C10orf90: variants seen among roughly 807,000 people sequenced by gnomAD.
C10orf90 encodes chromosome 10 open reading frame 90.
In C10orf90, 56 loss-of-function variants were observed where a neutral mutation model predicts 62.5. The observed-to-expected ratio is 0.90, with a 90% confidence interval of 0.72 to 1.12. C10orf90 has a LOEUF of 1.12. Among genes scored for constraint, C10orf90 ranks in the 50% most tolerant of loss-of-function variants. The pLI is 0.00. For missense variants in C10orf90, 970 were observed against 880.4 expected, an observed-to-expected ratio of 1.10 and a Z score of -1.29; for synonymous variants, 386 against 340.4, an observed-to-expected ratio of 1.13 and a Z score of -1.47.
At chr10:126,600,519 C>T (rs1398931157) in intron 2 of C10orf90, among the ~76,000 whole-genome samples, 1 of 152,148 alleles carries the variant, frequency 6.6e-6, no homozygotes, top group Non-Finnish European at 1.5e-5. Context: ...TGAGCAAAAG[C>T]CAACTGCCTG....
At chr10:126,550,891 A>G (rs1213135491) in intron 2 of C10orf90, among the ~76,000 whole-genome samples, 1 of 152,244 alleles carries the variant, frequency 6.6e-6, no homozygotes, top group East Asian at 1.9e-4. Flanking sequence ...AACAATTACA[A>G]TGCCACTGCC....
chr10:126,649,652 C>T (rs925133103), intron 1 of C10orf90, among the ~76,000 whole-genome samples: 2 of 152,188 alleles, frequency 1.3e-5, no homozygotes, highest in Non-Finnish European at 2.9e-5. Context: ...CTTTTTCCTT[C>T]AGAGCACTTG....
chr10:126,662,313 T>A (rs1208817758), intron 1 of C10orf90, among the ~76,000 whole-genome samples: 1 of 152,118 alleles, frequency 6.6e-6, no homozygotes, highest in East Asian at 1.9e-4. Flanking sequence ...AGGACCCGAA[T>A]GATTCATGGC....
chr10:126,452,121 A>G (rs1164257025), intron 7 of C10orf90, among the ~76,000 whole-genome samples: 2 of 152,202 alleles, frequency 1.3e-5, no homozygotes, highest in African/African-American at 2.4e-5. Context: ...TGGATATGTT[A>G]CCTGCATTTA....
intron 2 of C10orf90, among the ~76,000 whole-genome samples, chr10:126,627,136 A>G (rs1357975831): frequency 6.6e-6 from 1 of 151,054 alleles, no homozygotes; most frequent in Non-Finnish European, 1.5e-5. Context: ...GGTAGCTGGG[A>G]TTACAGGCAT....
chr10:126,530,702 G>T (rs903475034), intron 2 of C10orf90, among the ~76,000 whole-genome samples: 1 of 152,128 alleles, frequency 6.6e-6, no homozygotes, highest in African/African-American at 2.4e-5. Flanking sequence ...CAGGCAGCCT[G>T]CAGGCACATG....
chr10:126,639,623 C>G (rs1846020527), intron 2 of C10orf90, among the ~76,000 whole-genome samples: 1 of 152,204 alleles, frequency 6.6e-6, no homozygotes, highest in Non-Finnish European at 1.5e-5. Context: ...TTCCTCACAT[C>G]TGGATGAAGT....
intron 2 of C10orf90, among the ~76,000 whole-genome samples, chr10:126,544,796 G>C (rs567166354): frequency 3.3e-5 from 5 of 151,886 alleles, no homozygotes; most frequent in African/African-American, 1.2e-4. Context: ...ATGGTGTAAT[G>C]CCCCTGCCTT....
chr10:126,492,697 T>A (rs563596680), intron 4 of C10orf90, among the ~76,000 whole-genome samples: 1 of 152,192 alleles, frequency 6.6e-6, no homozygotes, highest in East Asian at 1.9e-4. Context: ...TCTGAAAAGA[T>A]GCAAATTAAT....
At chr10:126,449,322 G>C (rs1859011587) in intron 7 of C10orf90, among the ~76,000 whole-genome samples, 1 of 152,198 alleles carries the variant, frequency 6.6e-6, no homozygotes, top group Admixed American at 6.5e-5. Context: ...GAAAACATTT[G>C]ACAAAATTCA....
chr10:126,438,459 G>C (rs1052022136), intron 7 of C10orf90, among the ~76,000 whole-genome samples: 10 of 152,118 alleles, frequency 6.6e-5, no homozygotes, highest in African/African-American at 2.4e-4. Context: ...ACAAATTTAA[G>C]GTGGCTTTTT....
intron 2 of C10orf90, among the ~76,000 whole-genome samples, chr10:126,620,434 G>T (rs1550168): frequency 0.4 from 60,230 of 151,946 alleles, 13,419 homozygotes; most frequent in African/African-American, 0.61. Flanking sequence ...TTACTCTGGC[G>T]TTTTTGGCCT....
At chr10:126,524,714 C>T (rs1017125294) in intron 2 of C10orf90, 2 of 985,734 alleles carry the variant, frequency 2.0e-6, no homozygotes, top group Non-Finnish European at 1.2e-6. Flanking sequence ...TCCTCATCCG[C>T]GAGGCAAGGA....
intron 2 of C10orf90, among the ~76,000 whole-genome samples, chr10:126,526,345 C>T (rs920224712): frequency 4.0e-5 from 6 of 151,722 alleles, no homozygotes; most frequent in Admixed American, 6.6e-5. Flanking sequence ...CCCAGGCTCA[C>T]GCCATTCTCC....
At chr10:126,614,098 A>C (rs1001113200) in intron 2 of C10orf90, among the ~76,000 whole-genome samples, 2 of 152,210 alleles carry the variant, frequency 1.3e-5, no homozygotes, top group Non-Finnish European at 2.9e-5. Context: ...AAACAGCAAC[A>C]GGATATCAGG....
chr10:126,451,343 G>A (rs150071464), intron 7 of C10orf90, among the ~76,000 whole-genome samples: 94 of 152,238 alleles, frequency 6.2e-4, no homozygotes, highest in African/African-American at 1.9e-3. Context: ...TAAAGGAAAA[G>A]AAATCAGTAT....
At chr10:126,606,996 T>A (rs1342426748) in intron 2 of C10orf90, among the ~76,000 whole-genome samples, 1 of 152,178 alleles carries the variant, frequency 6.6e-6, no homozygotes, top group African/African-American at 2.4e-5. Flanking sequence ...ATTTCCATGA[T>A]CCTTAAGAAC....
intron 2 of C10orf90, among the ~76,000 whole-genome samples, chr10:126,616,615 G>C (rs918306736): frequency 1.3e-5 from 2 of 152,124 alleles, no homozygotes; most frequent in African/African-American, 2.4e-5. Flanking sequence ...TCAGCAACAT[G>C]GTGGCTCTTT....
chr10:126,583,929 G>C (rs193040085), intron 2 of C10orf90, among the ~76,000 whole-genome samples: 1 of 152,084 alleles, frequency 6.6e-6, no homozygotes, highest in Admixed American at 6.6e-5. Flanking sequence ...TAGCCTTGGT[G>C]ATGTAGAGAG....
Sources: allele counts gnomAD v4.1 joint callset (sites outside exome capture counted in the v4.1 genomes callset), GRCh38; gene constraint gnomAD v4.1.1; transcripts MANE v1.5; gene names NCBI Gene and HGNC (gene_info 2026-07-23, HGNC 2026-07-21).